The following FSHR variants were observed in gnomAD, a reference collection of about 807,000 sequenced individuals.
The protein encoded by FSHR is follicle-stimulating hormone receptor.
In FSHR, 46 loss-of-function variants were observed where a neutral mutation model predicts 52.1. The observed-to-expected ratio is 0.88, with a 90% CI of 0.70 to 1.13. FSHR has a LOEUF of 1.13. Ranked by LOEUF, FSHR falls within the 50% of genes most tolerant of loss-of-function variation. The pLI is 0.00. For synonymous variants in FSHR, 399 were observed against 309.6 expected (o/e 1.29, Z -3.03); for missense variants, 964 against 834.6 (o/e 1.16, Z -1.91).
intron 2 of FSHR, among the ~76,000 whole-genome samples, chr2:49,053,738 G>T (rs554219276): frequency 7.9e-5 from 12 of 152,320 alleles, no homozygotes; most frequent in African/African-American, 2.9e-4. Context: ...GATAGAAGTA[G>T]AGGAGGCTGG....
At chr2:49,026,047 C>A (rs1325604228) in intron 2 of FSHR, among the ~76,000 whole-genome samples, 1 of 152,170 alleles carries the variant, frequency 6.6e-6, no homozygotes, top group Non-Finnish European at 1.5e-5. Flanking sequence ...GCTATCCTTT[C>A]CTGACATGCC....
intron 2 of FSHR, among the ~76,000 whole-genome samples, chr2:49,050,856 G>A (rs1182964551): frequency 6.6e-6 from 1 of 151,952 alleles, no homozygotes; most frequent in African/African-American, 2.4e-5. Context: ...TCTTCACCAC[G>A]TTAAAAAAGT....
intron 1 of FSHR, among the ~76,000 whole-genome samples, chr2:49,117,828 G>A (rs1208828985): frequency 6.6e-6 from 1 of 152,166 alleles, no homozygotes; most frequent in Non-Finnish European, 1.5e-5. Flanking sequence ...CTGAGATCAT[G>A]TTATCATTTG....
chr2:49,132,511 T>C (rs528983318), intron 1 of FSHR, among the ~76,000 whole-genome samples: 1 of 152,304 alleles, frequency 6.6e-6, no homozygotes, highest in South Asian at 2.1e-4. Context: ...TTATTGGCCT[T>C]ATTTTGCAGG....
intron 4 of FSHR, among the ~76,000 whole-genome samples, chr2:49,000,001 C>T (rs1676185730): frequency 6.6e-6 from 1 of 152,070 alleles, no homozygotes; most frequent in Non-Finnish European, 1.5e-5. Flanking sequence ...TAAACTCTGT[C>T]TTAGGAGGAG....
chr2:49,006,453 A>C (rs1667079594), intron 4 of FSHR, among the ~76,000 whole-genome samples: 1 of 151,986 alleles, frequency 6.6e-6, no homozygotes, highest in African/African-American at 2.4e-5. Flanking sequence ...CTCAGTACAC[A>C]CCTTCTTTTT....
intron 1 of FSHR, among the ~76,000 whole-genome samples, chr2:49,106,137 A>G (rs1035895693): frequency 1.3e-5 from 2 of 152,182 alleles, no homozygotes; most frequent in African/African-American, 4.8e-5. Context: ...AAGACTCTCT[A>G]CCTGCCTATC....
rs1163753201 is a variant in FSHR at position 48,982,824 on chromosome 2, T to G, written c.668+88A>C. The G allele has an allele frequency of 2.5e-5, 29 of 1,155,170 alleles. No homozygotes were observed. In the Admixed American group the frequency reaches 4.6e-4, roughly 18 times the overall value. 71.6% of individuals were successfully genotyped at this position (1,155,170 alleles called of 1,614,324 possible). On this transcript the variant is annotated intron_variant, in intron 8 of 9. Transcript: ENST00000406846. ...ATTGAACTTGATGGCCAGCCCTGTG[T>G]TGGAAGCTTCTCCCCTAGCTGCAGA...
chr2:49,006,436 A>T (rs757858852), intron 4 of FSHR, among the ~76,000 whole-genome samples: 11 of 151,700 alleles, frequency 7.3e-5, no homozygotes, highest in Non-Finnish European at 1.6e-4. Context: ...ATCTAGTCAT[A>T]CTCTTTCTCA....
intron 1 of FSHR, among the ~76,000 whole-genome samples, chr2:49,109,479 G>A (rs1450334792): frequency 1.3e-5 from 2 of 152,168 alleles, no homozygotes; most frequent in Non-Finnish European, 2.9e-5. Context: ...ACTGTAGTGG[G>A]CAAAGTTGAA....
chr2:49,136,868 G>C (rs1183910111), intron 1 of FSHR, among the ~76,000 whole-genome samples: 3 of 152,166 alleles, frequency 2.0e-5, no homozygotes, highest in Non-Finnish European at 4.4e-5. Flanking sequence ...TCCGCAGTCT[G>C]ATAAAAAGTC....
chr2:49,004,744 C>G (rs1199481023), intron 4 of FSHR, among the ~76,000 whole-genome samples: 1 of 152,146 alleles, frequency 6.6e-6, no homozygotes, highest in Non-Finnish European at 1.5e-5. Context: ...CTAAGCTTTA[C>G]TAGGCTAATC....
rs145134018 is a variant in FSHR, at chr2:49,067,519, A to C, written c.224+700T>G. ...AATCCTGGCTGTCTCACTGCAGAGA[A>C]GAACATATTTCCCTGGCCCTGAATG... On this transcript the variant is annotated intron_variant, in intron 2 of 9. Transcript: ENST00000406846. 7.4e-4 allele frequency among the ~76,000 whole-genome samples: 112 copies of C among 152,224 alleles called. 2 individuals carry two copies. In the East Asian group the frequency reaches 0.021, roughly 28 times the overall value.
intron 1 of FSHR, among the ~76,000 whole-genome samples, chr2:49,119,325 G>A (rs1464179967): frequency 6.6e-6 from 1 of 151,978 alleles, no homozygotes; most frequent in African/African-American, 2.4e-5. Context: ...AGCAGTGTTC[G>A]ATAGGCAAAC....
At chr2:48,983,215 T>C in intron 6 of FSHR, 49 bp from the exon 7 acceptor site, 1 of 1,544,560 alleles carries the variant, frequency 6.5e-7, no homozygotes, top group Non-Finnish European at 8.9e-7. Context: ...ATGCAAACAA[T>C]ACACGGGTTT....
chr2:49,098,739 CTT>C (rs1491330911), intron 1 of FSHR, among the ~76,000 whole-genome samples: 3 of 142,116 alleles, frequency 2.1e-5, no homozygotes, highest in Non-Finnish European at 4.6e-5. Flanking sequence ...CCCATATATA[CTT>C]ATATATATTA....
chr2:49,089,157 T>C (rs1372670133), intron 1 of FSHR, among the ~76,000 whole-genome samples: 1 of 150,452 alleles, frequency 6.6e-6, no homozygotes, highest in Non-Finnish European at 1.5e-5. Context: ...AATTATTTAA[T>C]CTTCGTGGTG....
chr2:49,085,088 A>T (rs1313788324), intron 1 of FSHR, among the ~76,000 whole-genome samples: 1 of 152,184 alleles, frequency 6.6e-6, no homozygotes, highest in Non-Finnish European at 1.5e-5. Context: ...TTGATGCAAA[A>T]ATCCTCAATA....
chr2:48,990,121 A>G lies in FSHR; in HGVS notation c.446+445T>C, dbSNP rs563483882. 3.9e-5 allele frequency among the ~76,000 whole-genome samples: 6 copies of G among 152,252 alleles called. No homozygotes were observed. In the East Asian group the frequency reaches 7.7e-4, roughly 20 times the overall value. On this transcript the variant is annotated intron_variant, in intron 5 of 9. Coordinates refer to ENST00000406846, the MANE Select transcript of FSHR (RefSeq NM_000145.4). ...TTTCTCTTCCTTTTTCAAAATACAAATACCTTGGGAAAAGGCAAACACAGC... is the reference window on the plus strand; with the variant it reads ...TTTCTCTTCCTTTTTCAAAATACAAGTACCTTGGGAAAAGGCAAACACAGC...
Sources: allele counts gnomAD v4.1 joint callset (sites outside exome capture counted in the v4.1 genomes callset), GRCh38; gene constraint gnomAD v4.1.1; transcripts MANE v1.5; gene names NCBI Gene and HGNC (gene_info 2026-07-23, HGNC 2026-07-21).